PTPRG: variants seen among roughly 807,000 people sequenced by gnomAD.
The protein encoded by PTPRG is protein tyrosine phosphatase receptor type G.
A neutral mutation model predicts 165.3 loss-of-function variants in PTPRG; 102 were observed. The observed-to-expected ratio is 0.62, with a 90% CI of 0.53 to 0.73. The LOEUF is 0.73. Among genes scored for constraint, PTPRG ranks in the 30% least tolerant of loss-of-function variants. The pLI is 0.00. For missense variants in PTPRG, 1,866 were observed against 1,861.4 expected, an observed-to-expected ratio of 1.00 and a Z score of -0.05; for synonymous variants, 675 against 669.5, an observed-to-expected ratio of 1.01 and a Z score of -0.13.
At chr3:61,938,383 T>G (rs1013744584) in intron 2 of PTPRG, among the ~76,000 whole-genome samples, 1 of 152,194 alleles carries the variant, frequency 6.6e-6, no homozygotes, top group African/African-American at 2.4e-5. Context: ...AATTAGTAAC[T>G]TTCTGATCTG....
At chr3:61,766,239 C>T (rs899930574) in intron 2 of PTPRG, among the ~76,000 whole-genome samples, 1 of 152,100 alleles carries the variant, frequency 6.6e-6, no homozygotes, top group Non-Finnish European at 1.5e-5. Flanking sequence ...TCCTTCATTC[C>T]TATACAGTTT....
intron 1 of PTPRG, among the ~76,000 whole-genome samples, chr3:61,620,278 T>C (rs1323358060): frequency 2.0e-5 from 3 of 152,288 alleles, no homozygotes; most frequent in Non-Finnish European, 4.4e-5. Context: ...GGAATTGAAA[T>C]TGCAGTTTGC....
chr3:62,179,185 G>T (rs1316431263), intron 8 of PTPRG, among the ~76,000 whole-genome samples: 1 of 152,140 alleles, frequency 6.6e-6, no homozygotes, highest in African/African-American at 2.4e-5. Flanking sequence ...TGCCCCTGAA[G>T]CCTGAAAATC....
intron 8 of PTPRG, among the ~76,000 whole-genome samples, chr3:62,171,230 T>G (rs543492212): frequency 1.3e-5 from 2 of 152,310 alleles, no homozygotes; most frequent in African/African-American, 4.8e-5. Context: ...GAACCTGCCT[T>G]TTAATGAATA....
At chr3:61,785,191 G>A (rs553554381) in intron 2 of PTPRG, among the ~76,000 whole-genome samples, 30 of 152,164 alleles carry the variant, frequency 2.0e-4, no homozygotes, top group Middle Eastern at 3.2e-3. Context: ...AACCTCTGCC[G>A]TATTTGGTTT....
chr3:62,202,323 C>T (rs1211951392), intron 11 of PTPRG, among the ~76,000 whole-genome samples: 1 of 152,216 alleles, frequency 6.6e-6, no homozygotes, highest in African/African-American at 2.4e-5. Context: ...TGCATTTGTG[C>T]CTTCCAGGTC....
chr3:61,868,722 C>G (rs1286958254), intron 2 of PTPRG, among the ~76,000 whole-genome samples: 1 of 152,164 alleles, frequency 6.6e-6, no homozygotes, highest in East Asian at 1.9e-4. Context: ...AAAGCAAACT[C>G]TCCAGGGTTG....
intron 2 of PTPRG, among the ~76,000 whole-genome samples, chr3:61,775,133 C>G (rs2034332713): frequency 6.6e-6 from 1 of 152,094 alleles, no homozygotes; most frequent in South Asian, 2.1e-4. Flanking sequence ...TGCAGCGGCA[C>G]AATCTTGGCT....
chr3:61,811,157 T>A (rs2035562172), intron 2 of PTPRG, among the ~76,000 whole-genome samples: 1 of 152,084 alleles, frequency 6.6e-6, no homozygotes, highest in South Asian at 2.1e-4. Context: ...GGGCTGGGTT[T>A]TGTGATGCTC....
intron 2 of PTPRG, among the ~76,000 whole-genome samples, chr3:61,812,491 C>A (rs2035616099): frequency 1.3e-5 from 2 of 152,216 alleles, no homozygotes; most frequent in East Asian, 3.8e-4. Flanking sequence ...TGTCATTAAA[C>A]TTCCTAAGTT....
chr3:62,048,654 A>C (rs1700372060), intron 4 of PTPRG, among the ~76,000 whole-genome samples: 1 of 152,160 alleles, frequency 6.6e-6, no homozygotes, highest in African/African-American at 2.4e-5. Flanking sequence ...CCCCATGAAC[A>C]CTTGTATACG....
intron 2 of PTPRG, among the ~76,000 whole-genome samples, chr3:61,916,532 G>T (rs1157203805): frequency 6.6e-6 from 1 of 152,156 alleles, no homozygotes. Context: ...GCACCTTTCT[G>T]TGTGTGCTGT....
intron 7 of PTPRG, among the ~76,000 whole-genome samples, chr3:62,160,015 A>G (rs1357383317): frequency 6.6e-6 from 1 of 152,224 alleles, no homozygotes; most frequent in Non-Finnish European, 1.5e-5. Context: ...AAAGGCGAAC[A>G]GCCAATTCGG....
chr3:61,925,630 C>T (rs1219644543), intron 2 of PTPRG, among the ~76,000 whole-genome samples: 2 of 152,016 alleles, frequency 1.3e-5, no homozygotes, highest in Non-Finnish European at 2.9e-5. Context: ...GTAATCCCAG[C>T]TACTCAGGAG....
At chr3:62,179,024 G>A (rs1450685693) in intron 8 of PTPRG, among the ~76,000 whole-genome samples, 1 of 152,214 alleles carries the variant, frequency 6.6e-6, no homozygotes. Flanking sequence ...GCCATAGGAG[G>A]TATCTAGCTG....
chr3:61,893,502 C>A (rs1014786294), intron 2 of PTPRG, among the ~76,000 whole-genome samples: 1 of 152,174 alleles, frequency 6.6e-6, no homozygotes, highest in Non-Finnish European at 1.5e-5. Flanking sequence ...CATTATCTAC[C>A]GTTAGCTTTG....
intron 8 of PTPRG, among the ~76,000 whole-genome samples, chr3:62,177,364 T>C (rs541116458): frequency 1.3e-5 from 2 of 152,298 alleles, no homozygotes; most frequent in East Asian, 1.9e-4. Flanking sequence ...ATAAGACTTA[T>C]AGTACAGGAT....
rs554035166 is a variant in PTPRG, at chr3:61,707,228, A to G, written c.86-41650A>G. On this transcript the variant is annotated intron_variant, in intron 1 of 29. Coordinates refer to ENST00000474889, the MANE Select transcript of PTPRG (RefSeq NM_002841.4). ...CTCATGCATATATGCGTTTTTACCT[A>G]TGATTAAATGCACAGAAGTTTAGTT... Among the ~76,000 whole-genome samples, 9 of 152,348 alleles carry G rather than the reference A, an allele frequency of 5.9e-5. No homozygotes were observed. The South Asian group carries it at 1.7e-3, about 28-fold the overall frequency.
chr3:62,053,596 G>C lies in PTPRG; in HGVS notation c.520-24567G>C, dbSNP rs142265751. Reference sequence around the variant, plus strand: ...TTTTAATAAATTTGAAACTTATCTAGCTAGTGCTTAATATTCTGAAGGGAT... The same window carrying C: ...TTTTAATAAATTTGAAACTTATCTACCTAGTGCTTAATATTCTGAAGGGAT... On this transcript the variant is annotated intron_variant, in intron 4 of 29. Coordinates refer to ENST00000474889, the MANE Select transcript of PTPRG (RefSeq NM_002841.4). 9.4e-3 allele frequency among the ~76,000 whole-genome samples: 1,436 copies of C among 152,114 alleles called. 27 individuals carry two copies. Among genetic ancestry groups the C allele is most frequent in the African/African-American group, 0.032 (1,332 of 41,502 alleles).
Sources: gnomAD v4.1 joint callset for allele counts (sites outside exome capture counted in the v4.1 genomes callset) on GRCh38, gnomAD v4.1.1 for gene constraint, MANE v1.5 for transcripts, NCBI Gene and HGNC (gene_info 2026-07-23, HGNC 2026-07-21) for gene names.